The following BMPR1B variants were observed in gnomAD, a reference collection of about 807,000 sequenced individuals.
The protein encoded by BMPR1B is bone morphogenetic protein receptor type-1B.
In BMPR1B, 12 loss-of-function variants were observed where a neutral mutation model predicts 59.1. The ratio of observed to expected loss-of-function variants is 0.20; its 90% CI spans 0.13 to 0.33. The LOEUF (loss-of-function observed/expected upper bound fraction) is 0.33, where lower values mean the gene tolerates loss of function less well. Among genes scored for constraint, BMPR1B ranks in the 10% least tolerant of loss-of-function variants. BMPR1B has a pLI of 1.00. For missense variants in BMPR1B, 550 were observed against 610.9 expected (o/e 0.90, Z 1.05); for synonymous variants, 237 against 207.3 (o/e 1.14, Z -1.23).
chr4:95,053,925 T>A (rs1419612263), intron 3 of BMPR1B, among the ~76,000 whole-genome samples: 1 of 152,194 alleles, frequency 6.6e-6, no homozygotes, highest in Admixed American at 6.5e-5. Flanking sequence ...TGACAACATC[T>A]AACATCCTTT....
At chr4:94,864,962 C>G (rs1210861768) in intron 1 of BMPR1B, among the ~76,000 whole-genome samples, 2 of 151,852 alleles carry the variant, frequency 1.3e-5, no homozygotes, top group African/African-American at 4.8e-5. Flanking sequence ...AATGATACAC[C>G]TGAATGCAAT....
intron 1 of BMPR1B, among the ~76,000 whole-genome samples, chr4:94,845,765 A>G (rs1366376504): frequency 1.3e-5 from 2 of 152,174 alleles, no homozygotes; most frequent in Non-Finnish European, 2.9e-5. Context: ...AGTTTGCAAA[A>G]CCAGTTTTTA....
rs548750246 is a variant in BMPR1B at position 95,074,266 on chromosome 4, A to G, written c.-17-30142A>G. ...AGTGCCTCAGTTTCTGTATTGCAAT[A>G]TGAAAAATACAATACTACTCTTTCC... On this transcript the variant is annotated intron_variant, in intron 3 of 12. Coordinates refer to ENST00000515059, the MANE Select transcript of BMPR1B (RefSeq NM_001203.3). Among the ~76,000 whole-genome samples the G allele has an allele frequency of 3.9e-5, 6 of 152,212 alleles. No homozygotes were observed. The South Asian group carries it at 8.3e-4, about 21-fold the overall frequency.
At chr4:95,135,367 A>C (rs1462440694) in intron 10 of BMPR1B, among the ~76,000 whole-genome samples, 2 of 152,062 alleles carry the variant, frequency 1.3e-5, no homozygotes, top group Non-Finnish European at 2.9e-5. Context: ...TTCCATATAA[A>C]CTTTAAAGTA....
intron 1 of BMPR1B, among the ~76,000 whole-genome samples, chr4:94,785,049 G>A (rs1170622346): frequency 6.6e-6 from 1 of 152,154 alleles, no homozygotes; most frequent in African/African-American, 2.4e-5. Flanking sequence ...ACCCATGAGT[G>A]GTGGGAGATA....
At chr4:94,833,316 A>T (rs576888894) in intron 1 of BMPR1B, among the ~76,000 whole-genome samples, 2 of 152,312 alleles carry the variant, frequency 1.3e-5, no homozygotes, top group East Asian at 3.9e-4. Flanking sequence ...ATAATCAGTA[A>T]ATATTAGCAA....
chr4:95,133,538 A>G (rs1052001238), intron 10 of BMPR1B, among the ~76,000 whole-genome samples: 1 of 152,028 alleles, frequency 6.6e-6, no homozygotes, highest in Non-Finnish European at 1.5e-5. Flanking sequence ...GATCACAACT[A>G]CTGATCTTCA....
intron 3 of BMPR1B, among the ~76,000 whole-genome samples, chr4:95,039,809 T>G (rs73838004): frequency 0.01 from 1,594 of 152,254 alleles, 26 homozygotes; most frequent in African/African-American, 0.037. Flanking sequence ...GTGTAGTGTA[T>G]TTTCTATTTG....
chr4:95,107,767 G>A (rs980830384), intron 4 of BMPR1B, among the ~76,000 whole-genome samples: 1 of 152,030 alleles, frequency 6.6e-6, no homozygotes, highest in African/African-American at 2.4e-5. Flanking sequence ...CTTGGCCAGC[G>A]GCCAGTTCTG....
chr4:94,884,037 A>G (rs1484893769), intron 2 of BMPR1B, among the ~76,000 whole-genome samples: 1 of 152,190 alleles, frequency 6.6e-6, no homozygotes, highest in South Asian at 2.1e-4. Flanking sequence ...TGTATAACTT[A>G]CAGCCTGCTA....
intron 3 of BMPR1B, among the ~76,000 whole-genome samples, chr4:95,017,620 T>C (rs1723672128): frequency 6.6e-6 from 1 of 152,216 alleles, no homozygotes. Flanking sequence ...TTAGCATCAG[T>C]ATTTCAATAT....
chr4:94,898,718 A>ACT (rs34005686), intron 2 of BMPR1B, among the ~76,000 whole-genome samples: 94,614 of 151,658 alleles, frequency 0.62, 31,332 homozygotes, highest in African/African-American at 0.85. Flanking sequence ...CACTTTAAAC[A>ACT]CTTCATTTTT....
At chr4:94,997,850 TA>T (rs1307673661) in intron 3 of BMPR1B, among the ~76,000 whole-genome samples, 2 of 152,186 alleles carry the variant, frequency 1.3e-5, no homozygotes, top group African/African-American at 4.8e-5. Context: ...CAGTATCTTT[TA>T]TTTTTTGCTT....
At chr4:94,958,557 T>C (rs141264646) in intron 2 of BMPR1B, among the ~76,000 whole-genome samples, 1 of 152,256 alleles carries the variant, frequency 6.6e-6, no homozygotes, top group Non-Finnish European at 1.5e-5. Context: ...TAATCTCTTA[T>C]AAGAACGCCA....
chr4:95,026,154 C>CTTTCTTTCTTTCTTTCTT (rs1724396770), intron 3 of BMPR1B, among the ~76,000 whole-genome samples: 2 of 147,262 alleles, frequency 1.4e-5, no homozygotes, highest in Non-Finnish European at 3.0e-5. Flanking sequence ...TTCTTTCTTT[C>CTTTCTTTCTTTCTTTCTT]TTTCTTTCTC....
At position 94,833,104 on chromosome 4, in the gene BMPR1B, TC is replaced by T. The variant is rs1225523811; in HGVS notation, c.-182-42726del. ...TACTCGGGAGGCTGAGGTGGAAGGA[TC>T]ACTTGAACCCACAAGTTCGAGTCTA... is the stretch of plus-strand genomic sequence containing the variant. On this transcript the variant is annotated intron_variant, in intron 1 of 12. Transcript: ENST00000515059. 4.0e-5 allele frequency among the ~76,000 whole-genome samples: 6 copies of T among 150,122 alleles called. No homozygotes were observed. The East Asian group carries it at 9.8e-4, about 25-fold the overall frequency.
intron 3 of BMPR1B, among the ~76,000 whole-genome samples, chr4:95,008,652 T>A (rs1723017108): frequency 6.6e-6 from 1 of 151,954 alleles, no homozygotes; most frequent in Non-Finnish European, 1.5e-5. Context: ...AAGAAACAAA[T>A]TAATTAATTC....
intron 1 of BMPR1B, among the ~76,000 whole-genome samples, chr4:94,781,057 G>A (rs973270341): frequency 6.6e-6 from 1 of 152,024 alleles, no homozygotes; most frequent in East Asian, 1.9e-4. Flanking sequence ...GCATTGATTT[G>A]CATCTTTCTG....
At chr4:94,777,205 A>G (rs148869021) in intron 1 of BMPR1B, among the ~76,000 whole-genome samples, 14 of 152,212 alleles carry the variant, frequency 9.2e-5, no homozygotes, top group Non-Finnish European at 2.1e-4. Flanking sequence ...CAGAGTATCT[A>G]TTTAATTTCT....
Sources: allele counts gnomAD v4.1 joint callset (sites outside exome capture counted in the v4.1 genomes callset), GRCh38; gene constraint gnomAD v4.1.1; transcripts MANE v1.5; gene names NCBI Gene and HGNC (gene_info 2026-07-23, HGNC 2026-07-21).